The following RTN4 variants were observed in gnomAD, a reference collection of about 807,000 sequenced individuals.
The protein encoded by RTN4 is reticulon-4.
In RTN4, 32 loss-of-function variants were observed where a neutral mutation model predicts 90.4. The ratio of observed to expected loss-of-function variants is 0.35; its 90% CI spans 0.27 to 0.48. RTN4 has a LOEUF of 0.48. Among genes scored for constraint, RTN4 ranks in the 20% least tolerant of loss-of-function variants. The probability of loss-of-function intolerance (pLI) is 0.99; values close to 1 mark genes in which losing one functional copy is unlikely to be tolerated. For missense variants in RTN4, 1,706 were observed against 1,430.2 expected (o/e 1.19, Z -3.11); for synonymous variants, 629 against 552.5 (o/e 1.14, Z -1.94).
At chr2:55,060,043 G>T (rs1418917082) in intron 2 of RTN4, among the ~76,000 whole-genome samples, 1 of 152,108 alleles carries the variant, frequency 6.6e-6, no homozygotes, top group African/African-American at 2.4e-5. Flanking sequence ...GCTGGCTAAT[G>T]GATTGAAACT....
intron 6 of RTN4, 62 bp from the exon 7 acceptor site, chr2:54,973,929 CA>C: frequency 7.1e-7 from 1 of 1,411,080 alleles, no homozygotes; most frequent in Non-Finnish European, 9.9e-7. Flanking sequence ...AATAAACACT[CA>C]AAAAACTATT....
intron 1 of RTN4, among the ~76,000 whole-genome samples, chr2:55,084,223 T>A (rs947638335): frequency 6.6e-6 from 1 of 151,828 alleles, no homozygotes; most frequent in Non-Finnish European, 1.5e-5. Context: ...TAAGAGGCCA[T>A]AAAAGCTCAC....
chr2:55,132,982 C>T, the RTN4 span, among the ~76,000 whole-genome samples: 3 of 151,698 alleles, frequency 2.0e-5, no homozygotes, highest in Non-Finnish European at 4.4e-5. Flanking sequence ...GAGGCCGAGG[C>T]AGGTGGATCA....
intron 2 of RTN4, among the ~76,000 whole-genome samples, chr2:55,062,545 A>G (rs146601488): frequency 6.6e-6 from 1 of 152,300 alleles, no homozygotes; most frequent in African/African-American, 2.4e-5. Flanking sequence ...AATCTTTCCC[A>G]TTTCAAAATT....
chr2:54,984,652 CA>C (rs1348400465), intron 4 of RTN4, among the ~76,000 whole-genome samples: 2 of 152,214 alleles, frequency 1.3e-5, no homozygotes, highest in African/African-American at 2.4e-5. Flanking sequence ...ACAATGCCAG[CA>C]CTGTTCATCA....
intron 3 of RTN4, among the ~76,000 whole-genome samples, chr2:54,999,287 C>G (rs1461791278): frequency 6.6e-6 from 1 of 152,140 alleles, no homozygotes; most frequent in East Asian, 1.9e-4. Flanking sequence ...GTAAGAAGAG[C>G]TGCCTACATT....
rs770949944 is a variant in RTN4 at position 55,026,687 on chromosome 2, G to T, written c.1412C>A (p.Ala471Glu). The T allele has an allele frequency of 3.1e-6, 5 of 1,613,420 alleles. No individual in the cohort carries two copies. The highest frequency in any genetic ancestry group is 1.7e-5 in the Admixed American group (1 of 59,940). ...YITCAPFNPA[A>E]TESIATNIFP... ...AATGTTTGTTGCAATGCTCTCAGTTGCTGCTGGGTTAAAGGGAGCACATGT... is the reference window on the plus strand; with the variant it reads ...AATGTTTGTTGCAATGCTCTCAGTTTCTGCTGGGTTAAAGGGAGCACATGT... Residue 471 changes from alanine to glutamate, a missense_variant, in exon 3 of 9, where the codon GCA becomes GAA. Transcript: ENST00000337526.
At position 54,972,877 on chromosome 2, in the gene RTN4, C is replaced by T. The variant is rs1677210740; in HGVS notation, c.*279G>A. The stretch of plus-strand genomic sequence containing the variant: ...ACTATCTGCAACAAAGTAAAATATA[C>T]AGGTTTTTTATTCCACCAGTGCCTC... On this transcript the variant is annotated 3_prime_UTR_variant, in exon 9 of 9. Coordinates refer to ENST00000337526, the MANE Select transcript of RTN4 (RefSeq NM_020532.5). 1 of 274,304 alleles carries T rather than the reference C, an allele frequency of 3.6e-6. No homozygotes were observed. The highest frequency in any genetic ancestry group is 6.7e-6 in the Non-Finnish European group (1 of 150,200). 17.0% of individuals were successfully genotyped at this position (274,304 alleles called of 1,614,324 possible).
At chr2:55,130,488 G>T in the RTN4 span, among the ~76,000 whole-genome samples, 27 of 152,090 alleles carry the variant, frequency 1.8e-4, no homozygotes, top group African/African-American at 6.3e-4. Flanking sequence ...GGTGGCTCAC[G>T]CCTGTAATCC....
chr2:55,015,613 A>C (rs954742069), intron 3 of RTN4, among the ~76,000 whole-genome samples: 4 of 152,192 alleles, frequency 2.6e-5, no homozygotes, highest in African/African-American at 9.6e-5. Flanking sequence ...ACATGTTCAC[A>C]TTCACTAATA....
chr2:55,093,049 C>T (rs374488197), intron 1 of RTN4, among the ~76,000 whole-genome samples: 14 of 152,236 alleles, frequency 9.2e-5, no homozygotes, highest in East Asian at 5.8e-4. Context: ...TGTGTGTGTA[C>T]GTGTGTAAAA....
At chr2:55,064,353 T>TC (rs1318576322) in intron 2 of RTN4, among the ~76,000 whole-genome samples, 3 of 149,022 alleles carry the variant, frequency 2.0e-5, no homozygotes, top group Admixed American at 6.6e-5. Flanking sequence ...AACATTCTTT[T>TC]TTTTTTTTTT....
intron 3 of RTN4, among the ~76,000 whole-genome samples, chr2:54,987,988 A>G (rs533534943): frequency 6.6e-4 from 101 of 152,342 alleles, no homozygotes; most frequent in South Asian, 1.2e-3. Context: ...TCCAAAGCCT[A>G]GAAGACTTCT....
chr2:55,009,354 T>A (rs1276514673), intron 3 of RTN4, among the ~76,000 whole-genome samples: 1 of 152,144 alleles, frequency 6.6e-6, no homozygotes, highest in Non-Finnish European at 1.5e-5. Flanking sequence ...ATCTACATAA[T>A]AAAATATTCT....
At chr2:55,014,113 A>G (rs1007139536) in intron 3 of RTN4, among the ~76,000 whole-genome samples, 3 of 152,250 alleles carry the variant, frequency 2.0e-5, no homozygotes, top group Admixed American at 6.5e-5. Flanking sequence ...AAACCCTACC[A>G]TATGCTGTAA....
At chr2:55,104,280 C>T (rs1047966871) in intron 1 of RTN4, among the ~76,000 whole-genome samples, 2 of 152,010 alleles carry the variant, frequency 1.3e-5, no homozygotes, top group African/African-American at 2.4e-5. Flanking sequence ...TGGTCTCAAA[C>T]TCCTGACCTC....
At chr2:55,051,716 G>C (rs534841683), upstream of RTN4, among the ~76,000 whole-genome samples, 4 of 152,300 alleles carry the variant, frequency 2.6e-5, no homozygotes, top group Non-Finnish European at 5.9e-5. Context: ...GCTGAAATTA[G>C]ATGTGCTGTA....
rs200830017 is a variant in RTN4, at chr2:55,026,342, A to T, written c.1757T>A (p.Met586Lys). The T allele has an allele frequency of 1.4e-5, 23 of 1,613,866 alleles. No homozygotes were observed. Among genetic ancestry groups the T allele is most frequent in the Non-Finnish European group, 1.9e-5 (22 of 1,179,914 alleles). ...KMDLVQTSEV[M>K]QESLYPAAQL... ...TGCTGCAGGATAGAGTGACTCTTGC[A>T]TAACTTCTGATGTTTGAACCAAGTC... is the stretch of plus-strand genomic sequence containing the variant. Residue 586 changes from methionine (M) to lysine (K), a missense_variant, in exon 3 of 9, where the codon ATG becomes AAG. By Grantham distance (95) the Met-to-Lys change is moderately conservative (BLOSUM62 -1). Transcript: ENST00000337526.
rs183333814 is a variant in RTN4, at chr2:55,028,359, A to G, written c.557-139T>C. 1.3e-4 allele frequency: 82 copies of G among 612,040 alleles called. No homozygotes were observed. In the Admixed American group the frequency reaches 2.7e-3, roughly 20 times the overall value. The allele number at this position is 612,040 out of a possible 1,614,324, so 37.9% of individuals were successfully genotyped here. ...CAGAGAAAGGGCCAAGATCAAAAGG[A>G]AGTCAGAAAAAGTAGTACCATTAAT... On this transcript the variant is annotated intron_variant, in intron 1 of 8. Coordinates refer to ENST00000337526, the MANE Select transcript of RTN4 (RefSeq NM_020532.5).
Sources: gnomAD v4.1 joint callset for allele counts (sites outside exome capture counted in the v4.1 genomes callset) on GRCh38, gnomAD v4.1.1 for gene constraint, MANE v1.5 for transcripts, NCBI Gene and HGNC (gene_info 2026-07-23, HGNC 2026-07-21) for gene names.